The following ARPP21 variants were observed in gnomAD, a reference collection of about 807,000 sequenced individuals.
The protein encoded by ARPP21 is cAMP-regulated phosphoprotein 21.
In ARPP21, 69 loss-of-function variants were observed where a neutral mutation model predicts 113.2. That is an observed-to-expected ratio of 0.61 (90% confidence interval 0.50 to 0.74). ARPP21 has a LOEUF of 0.74. Ranked by LOEUF, ARPP21 falls within the 30% of genes least tolerant of loss-of-function variation. ARPP21 has a pLI of 0.00. For synonymous variants in ARPP21, 368 were observed against 375.5 expected (o/e 0.98, Z 0.23); for missense variants, 1,070 against 1,037.4 (o/e 1.03, Z -0.43).
In ARPP21 at chr3:35,690,911, C is replaced by T. The variant is rs200003097; in HGVS notation, c.592C>T (p.Leu198Phe). The T allele has an allele frequency of 1.2e-6, 2 of 1,610,668 alleles. No individual in the cohort carries two copies. The highest frequency in any genetic ancestry group is 1.7e-6 in the Non-Finnish European group (2 of 1,177,934). ...FPQMSSYQRM[L>F]VHRVAAYFGL... ...TCAGATGTCATCGTATCAGAGGATG[C>T]TTGTCCATCGAGTGGCAGCTTATTT... is the stretch of plus-strand genomic sequence containing the variant. The change falls in exon 9 of 21, where the codon CTT becomes TTT. Residue 198 changes from leucine to phenylalanine, a missense_variant. Coordinates refer to ENST00000684406, the MANE Select transcript of ARPP21 (RefSeq NM_001385562.1).
At chr3:35,785,870 T>C (rs757708433) in intron 19 of ARPP21, among the ~76,000 whole-genome samples, 2 of 152,064 alleles carry the variant, frequency 1.3e-5, no homozygotes, top group Admixed American at 6.5e-5. Flanking sequence ...CCCATGCCCA[T>C]GCACACTCCC....
At chr3:35,785,794 C>T (rs1306000411) in intron 19 of ARPP21, among the ~76,000 whole-genome samples, 1 of 152,118 alleles carries the variant, frequency 6.6e-6, no homozygotes, top group African/African-American at 2.4e-5. Flanking sequence ...TAGGTAGGGC[C>T]TGTCACAGCT....
At chr3:35,765,016 T>A (rs1228251833) in intron 19 of ARPP21, among the ~76,000 whole-genome samples, 2 of 152,148 alleles carry the variant, frequency 1.3e-5, no homozygotes, top group South Asian at 2.1e-4. Context: ...CAATACATTA[T>A]GTTCTCATGT....
At position 35,744,582 on chromosome 3, in the gene ARPP21, A is replaced by T. The variant is rs1416312276; in HGVS notation, c.2137+617A>T. 7.8e-6 allele frequency: 4 copies of T among 512,280 alleles called. No homozygotes were observed. The African/African-American group carries it at 7.9e-5, about 10-fold the overall frequency. 31.7% of individuals were successfully genotyped at this position (512,280 alleles called of 1,614,324 possible). A position where few individuals can be genotyped will look rare whatever the true frequency, so the allele number is the denominator to read the frequency against. Reference sequence around the variant, plus strand: ...GTCACACTCCTAATGGAATGCCGTTATCCAAAGAGCAGCACGAACCCGACA... The same window carrying T: ...GTCACACTCCTAATGGAATGCCGTTTTCCAAAGAGCAGCACGAACCCGACA... On this transcript the variant is annotated intron_variant, in intron 19 of 20. Coordinates refer to ENST00000684406, the MANE Select transcript of ARPP21 (RefSeq NM_001385562.1).
In ARPP21 at chr3:35,724,538, C is replaced by G. The variant is rs533987267; in HGVS notation, c.1225+2704C>G. On this transcript the variant is annotated intron_variant, in intron 14 of 20. Coordinates refer to ENST00000684406, the MANE Select transcript of ARPP21 (RefSeq NM_001385562.1). ...CTGAGCCCATAGGTCTGGGATGGGG[C>G]CTGAGAATTTGCATTTCTGACAAGT... is the stretch of plus-strand genomic sequence containing the variant. Among the ~76,000 whole-genome samples, 3 of 152,260 alleles carry G rather than the reference C, an allele frequency of 2.0e-5. No homozygotes were observed. The South Asian group carries it at 6.2e-4, about 32-fold the overall frequency.
intron 19 of ARPP21, among the ~76,000 whole-genome samples, chr3:35,750,991 A>G (rs1018740167): frequency 6.6e-6 from 1 of 152,178 alleles, no homozygotes; most frequent in Non-Finnish European, 1.5e-5. Flanking sequence ...AGGTTTAGGT[A>G]GAGGAGTGAT....
intron 3 of ARPP21, among the ~76,000 whole-genome samples, chr3:35,682,157 A>G (rs74830666): frequency 0.05 from 7,617 of 151,934 alleles, 626 homozygotes; most frequent in African/African-American, 0.17. Context: ...CTCAAGGTGT[A>G]CATAGAGGGC....
intron 14 of ARPP21, 56 bp downstream of exon 14, chr3:35,721,890 C>A: frequency 1.8e-6 from 2 of 1,141,030 alleles, no homozygotes; most frequent in Non-Finnish European, 2.5e-6. Flanking sequence ...TCTACCCAAG[C>A]CATATGGTCA....
intron 1 of ARPP21, among the ~76,000 whole-genome samples, chr3:35,671,284 A>G (rs1459659255): frequency 2.0e-5 from 3 of 152,196 alleles, no homozygotes; most frequent in African/African-American, 7.2e-5. Context: ...ACACTGAAAG[A>G]TATTTAACTG....
intron 9 of ARPP21, among the ~76,000 whole-genome samples, chr3:35,696,883 TTC>T (rs975315406): frequency 2.0e-5 from 3 of 151,580 alleles, no homozygotes; most frequent in African/African-American, 2.4e-5. Context: ...GATCTTCAGT[TTC>T]TCTCTCTTTT....
intron 13 of ARPP21, 32 bp from the exon 14 acceptor site, chr3:35,721,573 C>T (rs756708674): frequency 2.4e-6 from 3 of 1,248,930 alleles, no homozygotes; most frequent in Non-Finnish European, 3.5e-6. Context: ...GTAATCCTGT[C>T]CCTGTGCATC....
At position 35,793,687 on chromosome 3, in the gene ARPP21, G is replaced by T; in HGVS notation, c.2287-14G>T. 1 of 1,607,944 alleles carries T rather than the reference G, an allele frequency of 6.2e-7. No individual in the cohort carries two copies. The highest frequency in any genetic ancestry group is 8.5e-7 in the Non-Finnish European group (1 of 1,174,368). On this transcript the variant is annotated splice_polypyrimidine_tract_variant and intron_variant, in intron 20 of 20. Transcript: ENST00000684406. ...GTCTCTTCATACAGGGTTCTTGCTT[G>T]TGTCTTTTTACAGGTGCCAATGACC...
At chr3:35,646,743 TA>T (rs1007326593) in intron 1 of ARPP21, among the ~76,000 whole-genome samples, 2 of 151,936 alleles carry the variant, frequency 1.3e-5, no homozygotes, top group African/African-American at 2.4e-5. Flanking sequence ...ATCTGGCCTA[TA>T]GGAATGATCA....
chr3:35,734,359 G>A (rs1015316188), intron 15 of ARPP21, among the ~76,000 whole-genome samples: 1 of 152,100 alleles, frequency 6.6e-6, no homozygotes, highest in East Asian at 1.9e-4. Flanking sequence ...TTGCAGTTTT[G>A]AAGCTAGAAG....
chr3:35,685,750 T>C (rs2080362951), intron 5 of ARPP21: 29 of 971,282 alleles, frequency 3.0e-5, no homozygotes, highest in Non-Finnish European at 3.6e-5. Flanking sequence ...CCTGTCAGTG[T>C]ATTACTGCAA....
chr3:35,677,494 C>T (rs534108757), intron 1 of ARPP21, among the ~76,000 whole-genome samples: 2 of 151,988 alleles, frequency 1.3e-5, no homozygotes, highest in East Asian at 3.9e-4. Context: ...ATTTTACTTG[C>T]TTTCTTCATG....
intron 15 of ARPP21, among the ~76,000 whole-genome samples, chr3:35,735,063 C>T (rs2094256283): frequency 6.6e-6 from 1 of 152,134 alleles, no homozygotes; most frequent in Admixed American, 6.6e-5. Flanking sequence ...CTTTTTTTCA[C>T]TAGAATGTCT....
At chr3:35,707,803 C>CG (rs1337777016) in intron 10 of ARPP21, among the ~76,000 whole-genome samples, 1 of 150,878 alleles carries the variant, frequency 6.6e-6, no homozygotes. Flanking sequence ...TTTAGATTGG[C>CG]GGGGGGCTAT....
chr3:35,684,547 G>A (rs975567662), intron 5 of ARPP21: 12 of 985,366 alleles, frequency 1.2e-5, no homozygotes, highest in East Asian at 2.3e-4. Context: ...ATAAAAAATG[G>A]TCTTGCTGCT....
Sources: allele counts gnomAD v4.1 joint callset (sites outside exome capture counted in the v4.1 genomes callset), GRCh38; gene constraint gnomAD v4.1.1; transcripts MANE v1.5; gene names NCBI Gene and HGNC (gene_info 2026-07-23, HGNC 2026-07-21).